The following MRTFB variants were observed in gnomAD, a reference collection of about 807,000 sequenced individuals.
MRTFB encodes myocardin related transcription factor B, also known as myocardin-related transcription factor B.
In MRTFB, 29 loss-of-function variants were observed where a neutral mutation model predicts 104.2. The ratio of observed to expected loss-of-function variants is 0.28; its 90% CI spans 0.21 to 0.38. MRTFB has a LOEUF of 0.38. MRTFB is among the 10% of genes least tolerant of loss of function. MRTFB has a pLI of 1.00. For synonymous variants in MRTFB, 535 were observed against 519.5 expected, an observed-to-expected ratio of 1.03 and a Z score of -0.41; for missense variants, 1,270 against 1,341.6, an observed-to-expected ratio of 0.95 and a Z score of 0.83.
chr16:14,030,297 G>A, the MRTFB span, among the ~76,000 whole-genome samples: 1 of 152,176 alleles, frequency 6.6e-6, no homozygotes, highest in East Asian at 1.9e-4. Flanking sequence ...AAGCAGCCCT[G>A]TTCTGCTGAC....
chr16:14,166,362 G>T (rs2039243208), intron 3 of MRTFB, among the ~76,000 whole-genome samples: 1 of 151,598 alleles, frequency 6.6e-6, no homozygotes, highest in Non-Finnish European at 1.5e-5. Flanking sequence ...TATTACGTAT[G>T]TATTCTTTTA....
rs146237381 is a variant in MRTFB, at chr16:14,158,705, T to C, written c.154+17945T>C. 2.0e-3 allele frequency among the ~76,000 whole-genome samples: 307 copies of C among 152,326 alleles called. 1 individual carries two copies. Among genetic ancestry groups the C allele is most frequent in the African/African-American group, 6.9e-3 (285 of 41,584 alleles). ...AGCTAAAAAGAGTTAAGATTTTACT[T>C]GAGGGAATAGTTTTATTTTAAAAGT... On this transcript the variant is annotated intron_variant, in intron 3 of 16. Transcript: ENST00000571589.
chr16:14,174,722 A>G (rs1020874683), intron 3 of MRTFB, among the ~76,000 whole-genome samples: 2 of 151,928 alleles, frequency 1.3e-5, no homozygotes, highest in Admixed American at 6.6e-5. Context: ...GTCACATACA[A>G]TTTTTTTTAA....
chr16:14,039,146 A>G, the MRTFB span, among the ~76,000 whole-genome samples: 8 of 152,200 alleles, frequency 5.3e-5, no homozygotes, highest in Admixed American at 2.0e-4. Flanking sequence ...GATTGCAGTG[A>G]TCTAAAGGCT....
At chr16:14,089,920 A>G (rs547080920) in intron 2 of MRTFB, among the ~76,000 whole-genome samples, 1 of 152,274 alleles carries the variant, frequency 6.6e-6, no homozygotes, top group Non-Finnish European at 1.5e-5. Flanking sequence ...CTTCTTGGCC[A>G]CTTGTATATC....
At position 14,211,000 on chromosome 16, in the gene MRTFB, G is replaced by A. The variant is rs538318386; in HGVS notation, c.220+692G>A. Among the ~76,000 whole-genome samples, 111 of 152,180 alleles carry A rather than the reference G, an allele frequency of 7.3e-4. 2 individuals carry two copies. The Middle Eastern group carries it at 0.014, about 19-fold the overall frequency. On this transcript the variant is annotated intron_variant, in intron 4 of 16. Coordinates refer to ENST00000571589, the MANE Select transcript of MRTFB (RefSeq NM_001308142.2). ...TTAGGATTGTGTATCTGGATTTTGT[G>A]TAAAAATGGACCTTTCCAAGAGGTA... is the stretch of plus-strand genomic sequence containing the variant.
chr16:14,006,683 A>G, the MRTFB span, among the ~76,000 whole-genome samples: 7 of 151,578 alleles, frequency 4.6e-5, no homozygotes, highest in East Asian at 3.9e-4. Context: ...CATATAAATG[A>G]TATGTTGTAT....
the MRTFB span, among the ~76,000 whole-genome samples, chr16:14,058,683 A>G: frequency 1.9e-5 from 1 of 52,226 alleles, no homozygotes; most frequent in Non-Finnish European, 3.0e-5. Context: ...ACTAAAACAT[A>G]TTTATTTATT....
intron 2 of MRTFB, among the ~76,000 whole-genome samples, chr16:14,099,308 T>G (rs2035566209): frequency 6.6e-6 from 1 of 152,032 alleles, no homozygotes; most frequent in Non-Finnish European, 1.5e-5. Context: ...TTCTAAATAT[T>G]TTGTATTTTT....
At chr16:14,066,103 T>G in the MRTFB span, among the ~76,000 whole-genome samples, 2 of 152,228 alleles carry the variant, frequency 1.3e-5, no homozygotes, top group African/African-American at 4.8e-5. Flanking sequence ...TAGCTGGCAC[T>G]TAAGTGCTTA....
intron 15 of MRTFB, among the ~76,000 whole-genome samples, chr16:14,255,921 T>C (rs908914890): frequency 6.6e-6 from 1 of 151,986 alleles, no homozygotes; most frequent in Admixed American, 6.6e-5. Context: ...AAGACCAGCC[T>C]GGGCAACATG....
At chr16:14,072,747 T>C (rs542560243) in intron 1 of MRTFB, among the ~76,000 whole-genome samples, 93 of 152,304 alleles carry the variant, frequency 6.1e-4, no homozygotes, top group African/African-American at 1.7e-3. Context: ...ATAACCTGTT[T>C]CTTGCGAATT....
chr16:14,046,746 G>A, the MRTFB span, among the ~76,000 whole-genome samples: 14 of 152,286 alleles, frequency 9.2e-5, no homozygotes, highest in South Asian at 2.9e-3. Context: ...TTTGATTTGA[G>A]GAGAAAGAGG....
At chr16:14,138,107 T>C (rs377666470) in intron 2 of MRTFB, among the ~76,000 whole-genome samples, 1 of 152,160 alleles carries the variant, frequency 6.6e-6, no homozygotes, top group African/African-American at 2.4e-5. Context: ...TGTTTTCTTA[T>C]GATGTATGGG....
At chr16:14,033,852 A>AAAG in the MRTFB span, among the ~76,000 whole-genome samples, 180 of 146,382 alleles carry the variant, frequency 1.2e-3, 1 homozygote, top group African/African-American at 1.5e-3. Flanking sequence ...AAAAAAAAAA[A>AAAG]AAGAAGAAGA....
At chr16:14,136,390 T>C (rs72783501) in intron 2 of MRTFB, among the ~76,000 whole-genome samples, 1 of 152,160 alleles carries the variant, frequency 6.6e-6, no homozygotes, top group East Asian at 1.9e-4. Flanking sequence ...TTCCCACTCA[T>C]TGGGCAAATG....
chr16:14,041,567 T>C, the MRTFB span, among the ~76,000 whole-genome samples: 1 of 152,244 alleles, frequency 6.6e-6, no homozygotes, highest in African/African-American at 2.4e-5. Flanking sequence ...TATCCATCAA[T>C]AGACATTTGG....
Position 14,218,846 on chromosome 16 carries a change from A to T in MRTFB, c.541A>T (p.Thr181Ser). The change falls in exon 8 of 17, where the codon ACT (threonine) becomes TCT (serine). Residue 181 changes from threonine (T) to serine (S), a missense_variant. Transcript: ENST00000571589. Reference protein sequence around the residue: ...IGVGKEDYPHTQGDFSFDEDS... With the variant: ...IGVGKEDYPHSQGDFSFDEDS... The stretch of plus-strand genomic sequence containing the variant: ...CGTTGGGAAGGAGGACTATCCCCAC[A>T]CTCAGGGCGATTTCTCATTTGATGA... 6.2e-7 allele frequency: 1 copy of T among 1,610,806 alleles called. No homozygotes were observed. The highest frequency in any genetic ancestry group is 1.1e-5 in the South Asian group (1 of 90,420).
intron 3 of MRTFB, chr16:14,200,521 A>G (rs1322481976): frequency 1.2e-6 from 2 of 1,609,896 alleles, no homozygotes; most frequent in Admixed American, 1.7e-5. Flanking sequence ...TTCTCTGTGA[A>G]TTGCTCAGCA....
Sources: allele counts gnomAD v4.1 joint callset (sites outside exome capture counted in the v4.1 genomes callset), GRCh38; gene constraint gnomAD v4.1.1; transcripts MANE v1.5; gene names NCBI Gene and HGNC (gene_info 2026-07-23, HGNC 2026-07-21).